SLC25A15: variants seen among roughly 807,000 people sequenced by gnomAD.
SLC25A15 encodes the protein solute carrier family 25 member 15.
In SLC25A15, 24 loss-of-function variants were observed where a neutral mutation model predicts 32.3. The observed-to-expected ratio is 0.74, with a 90% CI of 0.54 to 1.04. The LOEUF (loss-of-function observed/expected upper bound fraction) is 1.04, where lower values mean the gene tolerates loss of function less well. Ranked by LOEUF, SLC25A15 falls within the 50% of genes least tolerant of loss-of-function variation. The probability of loss-of-function intolerance (pLI) is 0.00; values close to 1 mark genes in which losing one functional copy is unlikely to be tolerated. For synonymous variants in SLC25A15, 132 were observed against 142.1 expected (o/e 0.93, Z 0.51); for missense variants, 317 against 374.5 (o/e 0.85, Z 1.27).
At chr13:40,795,788 CTT>C (rs774553564) in intron 2 of SLC25A15, among the ~76,000 whole-genome samples, 4 of 152,110 alleles carry the variant, frequency 2.6e-5, no homozygotes, top group Non-Finnish European at 5.9e-5. Flanking sequence ...ATCTTGGAGT[CTT>C]GGAGTGCTGG....
chr13:40,797,098 C>A (rs187482364), intron 2 of SLC25A15, among the ~76,000 whole-genome samples: 23 of 152,234 alleles, frequency 1.5e-4, no homozygotes, highest in Admixed American at 1.2e-3. Flanking sequence ...TCAGAACAGT[C>A]TTCTCTCACT....
rs368504524 is a variant in SLC25A15 at position 40,809,561 on chromosome 13, C to G, written c.800C>G (p.Ser267Cys). The change falls in exon 7 of 7, where the codon TCT (serine) becomes TGT (cysteine). Residue 267 changes from serine to cysteine, a missense_variant. Transcript: ENST00000338625. Reference sequence around the variant, plus strand: ...TTGCTAGGAATAACGGCCTTATATTCTGGACTGAAACCTACTATGATTCGA... The same window carrying G: ...TTGCTAGGAATAACGGCCTTATATTGTGGACTGAAACCTACTATGATTCGA... The part of the protein sequence containing the change: ...VKNEGITALY[S>C]GLKPTMIRAF... 19 of 1,611,912 alleles carry G rather than the reference C, an allele frequency of 1.2e-5. No homozygotes were observed. Among genetic ancestry groups the G allele is most frequent in the Non-Finnish European group, 1.5e-5 (18 of 1,179,860 alleles).
At chr13:40,801,285 C>T (rs1478925067) in intron 3 of SLC25A15, among the ~76,000 whole-genome samples, 2 of 150,166 alleles carry the variant, frequency 1.3e-5, no homozygotes, top group African/African-American at 4.9e-5. Context: ...TTGTCTAATC[C>T]AGCACTCATC....
intron 4 of SLC25A15, among the ~76,000 whole-genome samples, chr13:40,806,518 C>T (rs1305428543): frequency 6.6e-6 from 1 of 152,216 alleles, no homozygotes; most frequent in Non-Finnish European, 1.5e-5. Flanking sequence ...TACTTTGTTA[C>T]ATTCCATGTA....
intron 3 of SLC25A15, among the ~76,000 whole-genome samples, chr13:40,803,301 G>T (rs1881974768): frequency 1.3e-5 from 2 of 150,922 alleles, no homozygotes; most frequent in South Asian, 4.2e-4. Flanking sequence ...TGCAACCTCT[G>T]CCTCCCTGGT....
At chr13:40,799,406 T>A (rs1881796562) in intron 3 of SLC25A15, 91 bp downstream of exon 3, 2 of 1,541,724 alleles carry the variant, frequency 1.3e-6, no homozygotes, top group Non-Finnish European at 1.8e-6. Flanking sequence ...ATCCCAGCAC[T>A]TTGGGAGGCA....
At position 40,810,986 on chromosome 13, in the gene SLC25A15, G is replaced by C. The variant is rs886050242; in HGVS notation, c.*1319G>C. ...AAGCCTTCTTCCCTGTTTGGTGATT[G>C]TGTGACAGTGGGTGAACCTCTCTCA... On this transcript the variant is annotated 3_prime_UTR_variant, in exon 7 of 7. Coordinates refer to ENST00000338625, the MANE Select transcript of SLC25A15 (RefSeq NM_014252.4). 1.7e-5 allele frequency: 7 copies of C among 401,534 alleles called. No individual in the cohort carries two copies. The highest frequency in any genetic ancestry group is 9.3e-5 in the South Asian group (5 of 53,476). The allele number at this position is 401,534 out of a possible 1,614,324, so 24.9% of individuals were successfully genotyped here.
chr13:40,804,206 G>T (rs1010552223), intron 3 of SLC25A15, among the ~76,000 whole-genome samples: 3 of 152,012 alleles, frequency 2.0e-5, no homozygotes, highest in African/African-American at 7.3e-5. Flanking sequence ...CGAGCTCTCT[G>T]GCCTCTTCTT....
At chr13:40,790,345 G>T (rs900267929) in intron 1 of SLC25A15, among the ~76,000 whole-genome samples, 1 of 152,218 alleles carries the variant, frequency 6.6e-6, no homozygotes, top group Admixed American at 6.5e-5. Context: ...GCACCCTGGT[G>T]TAATTTGAGA....
Position 40,808,564 on chromosome 13 carries a change from T to G in SLC25A15, c.749T>G (p.Ile250Ser), listed in dbSNP as rs1410654762. Reference protein sequence around the residue: ...LSMSGKQAGFIRTFINVVKNE... With the variant: ...LSMSGKQAGFSRTFINVVKNE... ...ATGTCTGGAAAACAGGCAGGATTTA[T>G]CAGAACCTTTATAAATGTTGTGAAA... Residue 250 changes from isoleucine (I) to serine (S), a missense_variant, in exon 6 of 7, where the codon ATC (isoleucine) becomes AGC (serine). Physicochemically the swap from Ile to Ser is moderately radical, Grantham distance 142. Coordinates refer to ENST00000338625, the MANE Select transcript of SLC25A15 (RefSeq NM_014252.4). The G allele has an allele frequency of 6.2e-7, 1 of 1,608,648 alleles. No homozygotes were observed.
chr13:40,807,493 G>T (rs750249238), intron 5 of SLC25A15, 30 bp downstream of exon 5: 3 of 1,610,512 alleles, frequency 1.9e-6, no homozygotes, highest in South Asian at 2.2e-5. Flanking sequence ...CAGCAGTGGG[G>T]TGTGATGGTG....
Position 40,807,318 on chromosome 13 carries a change from T to A in SLC25A15, c.477T>A (p.Ser159Arg). 1 of 1,614,166 alleles carries A rather than the reference T, an allele frequency of 6.2e-7. No individual in the cohort carries two copies. Among genetic ancestry groups the A allele is most frequent in the Non-Finnish European group, 8.5e-7 (1 of 1,180,000 alleles). The change falls in exon 5 of 7, where the codon AGT becomes AGA. Residue 159 changes from serine (S) to arginine (R), a missense_variant. By Grantham distance (110) the Ser-to-Arg change is moderately radical. Transcript: ENST00000338625. ...GTACAGTGTGGTCTGTCATCAAAAG[T>A]ATTCTTAGGAAAGATGGCCCCTTGG... ...SQNTVWSVIK[S>R]ILRKDGPLGF...
At chr13:40,799,516 CT>C (rs1476197997) in intron 3 of SLC25A15, among the ~76,000 whole-genome samples, 1 of 152,164 alleles carries the variant, frequency 6.6e-6, no homozygotes, top group Non-Finnish European at 1.5e-5. Flanking sequence ...AAAAAATCTA[CT>C]GTTGTATGGT....
At chr13:40,796,284 T>C (rs1881668350) in intron 2 of SLC25A15, among the ~76,000 whole-genome samples, 1 of 152,214 alleles carries the variant, frequency 6.6e-6, no homozygotes, top group Non-Finnish European at 1.5e-5. Flanking sequence ...TCTAAAGTGC[T>C]GGGAAGTTCC....
At chr13:40,806,685 G>A (rs1265053463) in intron 4 of SLC25A15, among the ~76,000 whole-genome samples, 1 of 152,236 alleles carries the variant, frequency 6.6e-6, no homozygotes, top group Admixed American at 6.5e-5. Context: ...TGAGAACAAA[G>A]TGAGGAGAGA....
intron 2 of SLC25A15, among the ~76,000 whole-genome samples, chr13:40,796,004 G>T (rs1190730582): frequency 2.0e-5 from 3 of 152,152 alleles, no homozygotes; most frequent in African/African-American, 7.2e-5. Context: ...CACACTGGAG[G>T]GGAGGGTTAG....
rs374806769 is a variant in SLC25A15 at position 40,805,226 on chromosome 13, G to A, written c.423G>A (p.Glu141=). 1 of 1,614,212 alleles carries A rather than the reference G, an allele frequency of 6.2e-7. No homozygotes were observed. The highest frequency in any genetic ancestry group is 8.5e-7 in the Non-Finnish European group (1 of 1,180,050). Residue 141 remains glutamate (E), a synonymous_variant, in exon 4 of 7, where the codon GAG becomes GAA. Transcript: ENST00000338625. ...GGCTGCAGACCATGTATGAGATGGA[G>A]ACATCAGGGAAGATAGCCAAGAGCC... ...KCRLQTMYEM[E]TSGKIAKSQN...
At chr13:40,807,169 C>CA in intron 4 of SLC25A15, 125 bp from the exon 5 acceptor site, 1 of 901,788 alleles carries the variant, frequency 1.1e-6, no homozygotes. Flanking sequence ...CCTGGCTCTT[C>CA]ATTTACAAAA....
intron 3 of SLC25A15, 75 bp downstream of exon 3, chr13:40,799,390 CCTGTAATCCCAGCA>C: frequency 6.3e-7 from 1 of 1,584,260 alleles, no homozygotes; most frequent in South Asian, 1.1e-5. Flanking sequence ...GTGGCTCATG[CCTGTAATCCCAGCA>C]CTTTGGGAGG....
Sources: allele counts gnomAD v4.1 joint callset (sites outside exome capture counted in the v4.1 genomes callset), GRCh38; gene constraint gnomAD v4.1.1; transcripts MANE v1.5; gene names NCBI Gene and HGNC (gene_info 2026-07-23, HGNC 2026-07-21).